Variants in TSR1 observed in about 807,000 individuals in gnomAD.
TSR1 encodes TSR1 ribosome maturation factor.
TSR1 carries 81 observed loss-of-function variants against 90.9 expected under a neutral mutation model. That is an observed-to-expected ratio of 0.89 (90% confidence interval 0.74 to 1.07). The LOEUF (loss-of-function observed/expected upper bound fraction) is 1.07. Among genes scored for constraint, TSR1 ranks in the 50% least tolerant of loss-of-function variants. The pLI is 0.00. For missense variants in TSR1, 989 were observed against 987.3 expected, an observed-to-expected ratio of 1.00 and a Z score of -0.02; for synonymous variants, 362 against 348.8, an observed-to-expected ratio of 1.04 and a Z score of -0.42.
chr17:2,330,507 CA>C lies in TSR1; in HGVS notation c.1770+7del. On this transcript the variant is annotated splice_region_variant and intron_variant, in intron 10 of 14. Transcript: ENST00000301364. Reference sequence around the variant, plus strand: ...AACCCCCCATTTTCCCACAAGACAGCAATTTACCTTCTGTTCATGAGGTAGT... The same window carrying C: ...AACCCCCCATTTTCCCACAAGACAGCATTTACCTTCTGTTCATGAGGTAGT... 6.2e-7 allele frequency: 1 copy of C among 1,610,160 alleles called. No individual in the cohort carries two copies. Among genetic ancestry groups the C allele is most frequent in the Non-Finnish European group, 8.5e-7 (1 of 1,176,700 alleles).
intron 11 of TSR1, 77 bp from the exon 12 acceptor site, chr17:2,325,497 A>G (rs2075571216): frequency 8.8e-7 from 1 of 1,135,488 alleles, no homozygotes; most frequent in African/African-American, 1.6e-5. Context: ...GAAAAGCTGT[A>G]TTAGTGCAAC....
Position 2,323,638 on chromosome 17 carries a change from C to G in TSR1, c.*558G>C. On this transcript the variant is annotated 3_prime_UTR_variant, in exon 15 of 15. Coordinates refer to ENST00000301364, the MANE Select transcript of TSR1 (RefSeq NM_018128.5). ...GACTCCCCTTTCACTAATTCCTACT[C>G]CCTTCCATATCAACAGTGTGCAACC... is the stretch of plus-strand genomic sequence containing the variant. 1 of 1,612,534 alleles carries G rather than the reference C, an allele frequency of 6.2e-7. No individual in the cohort carries two copies. The highest frequency in any genetic ancestry group is 8.5e-7 in the Non-Finnish European group (1 of 1,178,702).
chr17:2,330,897 C>A, intron 9 of TSR1, 50 bp downstream of exon 9: 2 of 1,526,398 alleles, frequency 1.3e-6, no homozygotes, highest in Non-Finnish European at 8.8e-7. Flanking sequence ...AAGTAGGGAG[C>A]ATGTTGACAA....
At chr17:2,329,206 C>CT (rs1425150913) in intron 11 of TSR1, 137 bp downstream of exon 11, 2 of 1,306,644 alleles carry the variant, frequency 1.5e-6, no homozygotes, top group Non-Finnish European at 2.2e-6. Context: ...ACATCATTGG[C>CT]TCTTAAGCCA....
At position 2,333,014 on chromosome 17, in the gene TSR1, C is replaced by A; in HGVS notation, c.1252G>T (p.Glu418Ter). The A allele has an allele frequency of 6.2e-7, 1 of 1,614,110 alleles. No individual in the cohort carries two copies. Among genetic ancestry groups the A allele is most frequent in the Non-Finnish European group, 8.5e-7 (1 of 1,180,030 alleles). ...TGTTCCATATCATCATATTCATATT[C>A]ATCTCCTTCCCCACCACTTTGGCTG... ...GGSQSGGEGD[E>*]YEYDDMEHED... The change falls in exon 7 of 15, where the codon GAA becomes TAA. Residue 418 changes from glutamate to a stop codon, truncating the protein, a stop_gained. Transcript: ENST00000301364. LOFTEE classifies it high-confidence loss of function.
chr17:2,323,473 C>A lies in TSR1; in HGVS notation c.*723G>T. 8.4e-7 allele frequency: 1 copy of A among 1,195,216 alleles called. No homozygotes were observed. 74.0% of individuals were successfully genotyped at this position (1,195,216 alleles called of 1,614,324 possible). On this transcript the variant is annotated 3_prime_UTR_variant, in exon 15 of 15. Transcript: ENST00000301364. ...GTAACTTCATGACATGGGAGGGTACCCTAGATGTATTAATGACAACCCTCT... is the reference window on the plus strand; with the variant it reads ...GTAACTTCATGACATGGGAGGGTACACTAGATGTATTAATGACAACCCTCT...
rs1481767317 is a variant in TSR1, at chr17:2,334,942, A to G, written c.557-46T>C. The G allele has an allele frequency of 8.3e-6, 13 of 1,558,998 alleles. 1 individual carries two copies. The highest frequency in any genetic ancestry group is 1.2e-5 in the South Asian group (1 of 84,998). ...GCTTCATGACCTACTGCTTCATTAC[A>G]TAAAAATCCCTCTGCAGTTCACAAA... On this transcript the variant is annotated intron_variant, in intron 4 of 14. Coordinates refer to ENST00000301364, the MANE Select transcript of TSR1 (RefSeq NM_018128.5).
At position 2,330,942 on chromosome 17, in the gene TSR1, G is replaced by C; in HGVS notation, c.1659+5C>G. 1 of 1,577,026 alleles carries C rather than the reference G, an allele frequency of 6.3e-7. No individual in the cohort carries two copies. The highest frequency in any genetic ancestry group is 1.2e-5 in the South Asian group (1 of 83,882). Reference sequence around the variant, plus strand: ...ACATACAAGATGAACAAGGAGGATAGATACCTCAGCTCCTTCAACCTCTTT... The same window carrying C: ...ACATACAAGATGAACAAGGAGGATACATACCTCAGCTCCTTCAACCTCTTT... On this transcript the variant is annotated splice_donor_5th_base_variant and intron_variant, in intron 9 of 14. Coordinates refer to ENST00000301364, the MANE Select transcript of TSR1 (RefSeq NM_018128.5).
intron 1 of TSR1, 30 bp from the exon 2 acceptor site, chr17:2,336,170 G>A: frequency 6.2e-7 from 1 of 1,607,278 alleles, no homozygotes; most frequent in South Asian, 1.1e-5. Context: ...GGGCTGGTGT[G>A]ATCGGCCCCA....
In TSR1 at chr17:2,324,392, C is replaced by T; in HGVS notation, c.2237-18G>A. On this transcript the variant is annotated intron_variant, in intron 14 of 14. Transcript: ENST00000301364. ...ATGGGTACCTAGAAAGACATCAGAA[C>T]AAGTCGGTCAAATTAAAAGTAGAAA... is the stretch of plus-strand genomic sequence containing the variant. 1 of 1,590,476 alleles carries T rather than the reference C, an allele frequency of 6.3e-7. No individual in the cohort carries two copies. The highest frequency in any genetic ancestry group is 8.5e-7 in the Non-Finnish European group (1 of 1,169,650).
intron 12 of TSR1, 112 bp from the exon 13 acceptor site, chr17:2,324,941 A>AG: frequency 8.0e-7 from 1 of 1,256,506 alleles, no homozygotes; most frequent in African/African-American, 1.5e-5. Flanking sequence ...TCCCTGCCCT[A>AG]GCCCAATCTG....
In TSR1 at chr17:2,325,430, G is replaced by A. The variant is rs757952445; in HGVS notation, c.1904-10C>T. 1 of 1,601,472 alleles carries A rather than the reference G, an allele frequency of 6.2e-7. No homozygotes were observed. The highest frequency in any genetic ancestry group is 8.5e-7 in the Non-Finnish European group (1 of 1,175,042). On this transcript the variant is annotated splice_polypyrimidine_tract_variant and intron_variant, in intron 11 of 14. Transcript: ENST00000301364. ...AATTTATGTTTGTCCGCTGCCATAA[G>A]GGTTAAAAAATGAAAAGCAAAACCA... is the stretch of plus-strand genomic sequence containing the variant.
rs762073949 is a variant in TSR1, at chr17:2,336,447, G to C, written c.-20C>G. The C allele has an allele frequency of 5.6e-6, 9 of 1,605,934 alleles. No individual in the cohort carries two copies. Among genetic ancestry groups the C allele is most frequent in the Admixed American group, 3.3e-5 (2 of 59,742 alleles). ...CGCCATGCCGCAGCGCGCGTGTACGGAGTCAGCACTGCTTCCGGGCCAGGA... is the reference window on the plus strand; with the variant it reads ...CGCCATGCCGCAGCGCGCGTGTACGCAGTCAGCACTGCTTCCGGGCCAGGA... On this transcript the variant is annotated 5_prime_UTR_variant, in exon 1 of 15. Coordinates refer to ENST00000301364, the MANE Select transcript of TSR1 (RefSeq NM_018128.5).
At position 2,323,096 on chromosome 17, in the gene TSR1, G is replaced by A. The variant is rs374738239; in HGVS notation, c.*1100C>T. On this transcript the variant is annotated 3_prime_UTR_variant, in exon 15 of 15. Coordinates refer to ENST00000301364, the MANE Select transcript of TSR1 (RefSeq NM_018128.5). ...TTCTTTTAGACATGCAGGCAATGTT[G>A]TGGTTTGTTGTTAAGATGTCTTAAT... 1.9e-6 allele frequency: 3 copies of A among 1,596,540 alleles called. No homozygotes were observed. Among genetic ancestry groups the A allele is most frequent in the Non-Finnish European group, 1.7e-6 (2 of 1,164,296 alleles).
intron 5 of TSR1, among the ~76,000 whole-genome samples, 159 bp from the exon 6 acceptor site, chr17:2,333,875 T>A (rs1236734757): frequency 6.6e-6 from 1 of 152,096 alleles, no homozygotes; most frequent in Non-Finnish European, 1.5e-5. Context: ...GTTTTCTAAT[T>A]TCCAGGGTAT....
At chr17:2,325,070 A>C in intron 12 of TSR1, 2 of 599,824 alleles carry the variant, frequency 3.3e-6, no homozygotes, top group Non-Finnish European at 5.7e-6. Context: ...AGTTGTTACA[A>C]GGAAAGGATG....
chr17:2,330,475 G>A, intron 10 of TSR1, 40 bp downstream of exon 10: 1 of 1,585,176 alleles, frequency 6.3e-7, no homozygotes, highest in South Asian at 1.1e-5. Flanking sequence ...CAGCTGGAAA[G>A]TTTCACAACC....
chr17:2,328,312 C>T (rs1386280637), intron 11 of TSR1, among the ~76,000 whole-genome samples: 12 of 150,562 alleles, frequency 8.0e-5, no homozygotes, highest in African/African-American at 2.4e-4. Context: ...TTTGGGAGAC[C>T]GAGGTGGGCG....
chr17:2,324,716 C>T lies in TSR1; in HGVS notation c.2134G>A (p.Val712Ile), dbSNP rs1242735930. ...CTGTTGAAGAACATGTAACGTACTACTGCCATCTTAGTAAAAATTTTGAAA... is the reference window on the plus strand; with the variant it reads ...CTGTTGAAGAACATGTAACGTACTATTGCCATCTTAGTAAAAATTTTGAAA... ...HPFKIFTKMAVVRYMFFNRED... is the reference protein window; with the variant it reads ...HPFKIFTKMAIVRYMFFNRED... Residue 712 changes from valine to isoleucine, a missense_variant, in exon 13 of 15, where the codon GTA (valine) becomes ATA (isoleucine). Val to Ile is a conservative substitution (Grantham distance 29). Coordinates refer to ENST00000301364, the MANE Select transcript of TSR1 (RefSeq NM_018128.5). 3.1e-6 allele frequency: 5 copies of T among 1,614,200 alleles called. No individual in the cohort carries two copies. Among genetic ancestry groups the T allele is most frequent in the Admixed American group, 3.3e-5 (2 of 60,022 alleles).
Sources: gnomAD v4.1 joint callset for allele counts (sites outside exome capture counted in the v4.1 genomes callset) on GRCh38, gnomAD v4.1.1 for gene constraint, MANE v1.5 for transcripts, NCBI Gene and HGNC (gene_info 2026-07-23, HGNC 2026-07-21) for gene names.